Variants in BICC1 observed in about 807,000 individuals in gnomAD.
The protein encoded by BICC1 is BicC family RNA binding protein 1.
A neutral mutation model predicts 111.0 loss-of-function variants in BICC1; 43 were observed. That is an observed-to-expected ratio of 0.39 (90% CI 0.30 to 0.50). BICC1 has a LOEUF of 0.50. Ranked by LOEUF, BICC1 falls within the 20% of genes least tolerant of loss-of-function variation. The pLI, the probability that BICC1 is intolerant of heterozygous loss-of-function variation, is 0.88. For missense variants in BICC1, 1,091 were observed against 1,203.2 expected (o/e 0.91, Z 1.38); for synonymous variants, 467 against 434.4 (o/e 1.07, Z -0.93).
intron 2 of BICC1, among the ~76,000 whole-genome samples, chr10:58,629,318 ATT>A (rs5785330): frequency 2.0e-5 from 3 of 151,084 alleles, no homozygotes; most frequent in South Asian, 2.1e-4. Context: ...TCGTAGATTG[ATT>A]TTTTTTTTTC....
At position 58,600,209 on chromosome 10, in the gene BICC1, C is replaced by A. The variant is rs117494284; in HGVS notation, c.191-20646C>A. Among the ~76,000 whole-genome samples, 1,507 of 152,198 alleles carry A rather than the reference C, an allele frequency of 9.9e-3. 25 individuals are homozygous for A. Among genetic ancestry groups the A allele is most frequent in the Non-Finnish European group, 0.014 (934 of 68,010 alleles). On this transcript the variant is annotated intron_variant, in intron 1 of 20. Transcript: ENST00000373886. ...TCCCAGCCCTTACTGTTACAACATG[C>A]ATGTCACATAGCACCCCGTTTTTCA... is the stretch of plus-strand genomic sequence containing the variant.
chr10:58,738,230 A>G (rs184454589), intron 3 of BICC1, among the ~76,000 whole-genome samples: 2 of 152,094 alleles, frequency 1.3e-5, no homozygotes, highest in Admixed American at 1.3e-4. Context: ...AGGTCTAACA[A>G]TTAAGTCTTT....
chr10:58,713,120 G>T (rs2132491992), intron 3 of BICC1, among the ~76,000 whole-genome samples: 2 of 152,216 alleles, frequency 1.3e-5, no homozygotes, highest in South Asian at 4.1e-4. Flanking sequence ...TTTTAAAAAA[G>T]GAAAGTGAGG....
chr10:58,689,888 T>C (rs1839861827), intron 2 of BICC1, among the ~76,000 whole-genome samples: 1 of 152,214 alleles, frequency 6.6e-6, no homozygotes, highest in Non-Finnish European at 1.5e-5. Context: ...ATGACACTTT[T>C]CAGTTTTAGA....
chr10:58,784,541 G>C (rs1842959186), intron 3 of BICC1, among the ~76,000 whole-genome samples: 2 of 152,134 alleles, frequency 1.3e-5, no homozygotes, highest in African/African-American at 4.8e-5. Context: ...GTGGTTTTCT[G>C]GGAGAAGTTA....
At position 58,769,550 on chromosome 10, in the gene BICC1, C is replaced by A. The variant is rs1842566015; in HGVS notation, c.308-15451C>A. ...ACATTTCATCAGGGAATGATTTTGT[C>A]CCATTATTAATATAAGTACCATTTC... On this transcript the variant is annotated intron_variant, in intron 3 of 20. Coordinates refer to ENST00000373886, the MANE Select transcript of BICC1 (RefSeq NM_001080512.3). 2.0e-5 allele frequency among the ~76,000 whole-genome samples: 3 copies of A among 151,050 alleles called. No individual in the cohort carries two copies. In the South Asian group the frequency reaches 6.3e-4, roughly 32 times the overall value.
chr10:58,707,847 G>T (rs1840436687), intron 3 of BICC1, among the ~76,000 whole-genome samples: 1 of 151,954 alleles, frequency 6.6e-6, no homozygotes, highest in Non-Finnish European at 1.5e-5. Flanking sequence ...CAAGGCACCT[G>T]CCACCACGCC....
At chr10:58,739,580 CA>C (rs1211341796) in intron 3 of BICC1, among the ~76,000 whole-genome samples, 8 of 151,804 alleles carry the variant, frequency 5.3e-5, no homozygotes, top group Admixed American at 5.3e-4. Context: ...AATTTCTCTC[CA>C]ACAATTCTTA....
At chr10:58,658,951 C>T (rs1425836614) in intron 2 of BICC1, among the ~76,000 whole-genome samples, 1 of 151,812 alleles carries the variant, frequency 6.6e-6, no homozygotes, top group East Asian at 2.0e-4. Flanking sequence ...TGCACCCTCC[C>T]AGCAGATAGA....
At chr10:58,613,076 T>C (rs1165985804) in intron 1 of BICC1, among the ~76,000 whole-genome samples, 1 of 152,292 alleles carries the variant, frequency 6.6e-6, no homozygotes, top group East Asian at 1.9e-4. Context: ...TGGCAAAGCA[T>C]TGGAGAAATT....
intron 2 of BICC1, among the ~76,000 whole-genome samples, chr10:58,641,731 A>G (rs1316724454): frequency 6.6e-6 from 1 of 152,220 alleles, no homozygotes; most frequent in Non-Finnish European, 1.5e-5. Context: ...GTGGTTATAT[A>G]GATAAAACCT....
At chr10:58,688,884 TG>T (rs879483228) in intron 2 of BICC1, among the ~76,000 whole-genome samples, 1 of 149,354 alleles carries the variant, frequency 6.7e-6, no homozygotes, top group Admixed American at 6.7e-5. Flanking sequence ...TGTTGGGGAG[TG>T]GGGGGCTAGG....
chr10:58,533,627 G>C (rs1394343816), intron 1 of BICC1, among the ~76,000 whole-genome samples: 1 of 151,680 alleles, frequency 6.6e-6, no homozygotes, highest in Non-Finnish European at 1.5e-5. Context: ...AGACCTTTCT[G>C]GATAAACAAA....
chr10:58,735,006 A>G (rs1286242822), intron 3 of BICC1, among the ~76,000 whole-genome samples: 1 of 152,186 alleles, frequency 6.6e-6, no homozygotes, highest in East Asian at 1.9e-4. Context: ...ATAGTTCTCC[A>G]AGAAATAAAT....
chr10:58,669,007 G>GT (rs1839100318), intron 2 of BICC1, among the ~76,000 whole-genome samples: 1 of 152,046 alleles, frequency 6.6e-6, no homozygotes, highest in Admixed American at 6.6e-5. Context: ...TTTTACTGTA[G>GT]TTTGTATAGT....
chr10:58,696,901 G>C (rs1264027461), intron 2 of BICC1, among the ~76,000 whole-genome samples: 1 of 152,122 alleles, frequency 6.6e-6, no homozygotes, highest in Non-Finnish European at 1.5e-5. Context: ...GAAACTGGCT[G>C]GAATTCACTC....
intron 9 of BICC1, among the ~76,000 whole-genome samples, chr10:58,794,420 GTT>G (rs539285951): frequency 1.4e-5 from 2 of 142,456 alleles, no homozygotes; most frequent in African/African-American, 5.1e-5. Flanking sequence ...TGGAATAAAT[GTT>G]TTTTTTTTTT....
chr10:58,700,146 A>G (rs1035085130), intron 2 of BICC1, among the ~76,000 whole-genome samples: 1 of 152,170 alleles, frequency 6.6e-6, no homozygotes, highest in African/African-American at 2.4e-5. Flanking sequence ...AAATAAGAGG[A>G]TTTCCACTTG....
chr10:58,702,695 G>C (rs1840274065), intron 3 of BICC1, among the ~76,000 whole-genome samples: 1 of 152,072 alleles, frequency 6.6e-6, no homozygotes, highest in Admixed American at 6.5e-5. Flanking sequence ...GAAACTAAAG[G>C]CCTCCCTAGT....
Sources: gnomAD v4.1 joint callset for allele counts (sites outside exome capture counted in the v4.1 genomes callset) on GRCh38, gnomAD v4.1.1 for gene constraint, MANE v1.5 for transcripts, NCBI Gene and HGNC (gene_info 2026-07-23, HGNC 2026-07-21) for gene names.